Variants in SMG6 observed in about 807,000 individuals in gnomAD.
The protein encoded by SMG6 is telomerase-binding protein EST1A.
Under a neutral mutation model 142.2 loss-of-function variants are expected in SMG6, and 66 were observed. That is an observed-to-expected ratio of 0.46 (90% CI 0.38 to 0.57). SMG6 has a LOEUF of 0.57. SMG6 is among the 20% of genes least tolerant of loss of function. The pLI, the probability that SMG6 is intolerant of heterozygous loss-of-function variation, is 0.00. For synonymous variants in SMG6, 779 were observed against 702.4 expected (o/e 1.11, Z -1.72); for missense variants, 1,793 against 1,832.0 (o/e 0.98, Z 0.39).
intron 13 of SMG6, among the ~76,000 whole-genome samples, chr17:2,122,826 G>A (rs1450063583): frequency 6.6e-6 from 1 of 152,180 alleles, no homozygotes; most frequent in African/African-American, 2.4e-5. Flanking sequence ...CAGATAACCT[G>A]GCAGACAGCC....
intron 11 of SMG6, 117 bp from the exon 12 acceptor site, chr17:2,186,948 T>C (rs1289531278): frequency 4.4e-6 from 5 of 1,130,158 alleles, no homozygotes; most frequent in Admixed American, 2.5e-5. Context: ...ACAGGAAAGA[T>C]AGGCCCAGAA....
rs2071134643 is a variant in SMG6 at position 2,160,265 on chromosome 17, G to A, written c.3357+12393C>T. ...AGACAGATCTCACTCTATTGCCCAG[G>A]CTGGAGTGCAGTGGTGCAATCTCAG... On this transcript the variant is annotated intron_variant, in intron 13 of 18. Transcript: ENST00000263073. 3.3e-5 allele frequency among the ~76,000 whole-genome samples: 5 copies of A among 152,102 alleles called. 1 individual carries two copies. The South Asian group carries it at 1.0e-3, about 32-fold the overall frequency.
At chr17:2,198,700 A>G (rs1023155408) in intron 10 of SMG6, among the ~76,000 whole-genome samples, 1 of 152,222 alleles carries the variant, frequency 6.6e-6, no homozygotes, top group African/African-American at 2.4e-5. Context: ...CAACAAAAAA[A>G]GTAAACCCAA....
chr17:2,252,526 T>C (rs1207901415), intron 8 of SMG6, among the ~76,000 whole-genome samples: 2 of 152,118 alleles, frequency 1.3e-5, no homozygotes, highest in African/African-American at 2.4e-5. Flanking sequence ...ATCTTAAGAG[T>C]TGAAAACCTG....
At chr17:2,228,689 A>G (rs777951562) in intron 10 of SMG6, among the ~76,000 whole-genome samples, 4 of 152,226 alleles carry the variant, frequency 2.6e-5, no homozygotes, top group African/African-American at 4.8e-5. Flanking sequence ...ATATATATAC[A>G]TATACACACA....
intron 10 of SMG6, among the ~76,000 whole-genome samples, chr17:2,200,697 C>A (rs1333590612): frequency 6.6e-6 from 1 of 152,028 alleles, no homozygotes; most frequent in Non-Finnish European, 1.5e-5. Flanking sequence ...CACATACACA[C>A]AATTTAATTT....
At chr17:2,066,372 C>CTGTG (rs57221830) in intron 16 of SMG6, among the ~76,000 whole-genome samples, 93,591 of 149,500 alleles carry the variant, frequency 0.63, 29,449 homozygotes, top group Middle Eastern at 0.69. Context: ...GTATATGTCT[C>CTGTG]TGTGTGTGTG....
chr17:2,116,513 G>C (rs2069511437), intron 13 of SMG6, among the ~76,000 whole-genome samples: 1 of 152,136 alleles, frequency 6.6e-6, no homozygotes. Flanking sequence ...TCAGGAGTTT[G>C]AGGTCAGGAG....
At chr17:2,154,190 G>A (rs2070928971) in intron 13 of SMG6, among the ~76,000 whole-genome samples, 1 of 150,296 alleles carries the variant, frequency 6.7e-6, no homozygotes, top group Non-Finnish European at 1.5e-5. Flanking sequence ...GACGGTGACG[G>A]GGGAACCTGG....
At chr17:2,153,653 C>T (rs2070896395) in intron 13 of SMG6, among the ~76,000 whole-genome samples, 1 of 140,384 alleles carries the variant, frequency 7.1e-6, no homozygotes, top group African/African-American at 2.7e-5. Context: ...GTGACGGTGA[C>T]TGGGGGAACC....
intron 13 of SMG6, among the ~76,000 whole-genome samples, chr17:2,139,851 A>G (rs981260128): frequency 1.3e-5 from 2 of 151,722 alleles, no homozygotes; most frequent in African/African-American, 2.4e-5. Flanking sequence ...TCAGCCTCCC[A>G]AGTAGCTGGG....
chr17:2,229,264 G>A (rs1042954647), intron 10 of SMG6: 2 of 152,118 alleles, frequency 1.3e-5, no homozygotes, highest in Non-Finnish European at 2.9e-5. Context: ...CTTATTTGTT[G>A]TAGCCCCACC....
intron 11 of SMG6, among the ~76,000 whole-genome samples, chr17:2,188,029 C>T (rs1487505275): frequency 6.6e-6 from 1 of 152,048 alleles, no homozygotes; most frequent in Non-Finnish European, 1.5e-5. Flanking sequence ...ACAGAACTCA[C>T]CAGGTACCAC....
At chr17:2,239,416 A>G (rs1351293469) in intron 9 of SMG6, among the ~76,000 whole-genome samples, 1 of 152,238 alleles carries the variant, frequency 6.6e-6, no homozygotes, top group African/African-American at 2.4e-5. Flanking sequence ...ATCGCCAAAA[A>G]TTGGAAGCAA....
chr17:2,240,775 G>C (rs2073781269), intron 9 of SMG6, among the ~76,000 whole-genome samples: 1 of 152,262 alleles, frequency 6.6e-6, no homozygotes, highest in Non-Finnish European at 1.5e-5. Context: ...GCACAGAGCA[G>C]ACCATGCCTG....
intron 13 of SMG6, among the ~76,000 whole-genome samples, chr17:2,109,177 A>T (rs1232367595): frequency 6.6e-6 from 1 of 152,198 alleles, no homozygotes; most frequent in Non-Finnish European, 1.5e-5. Flanking sequence ...ACAGTATCTC[A>T]TCTGATCCAT....
At chr17:2,091,894 G>A (rs1331868707) in intron 13 of SMG6, among the ~76,000 whole-genome samples, 1 of 150,894 alleles carries the variant, frequency 6.6e-6, no homozygotes, top group Non-Finnish European at 1.5e-5. Context: ...GTGTTAGCCA[G>A]GACGGTCTTG....
chr17:2,154,132 T>C (rs1214901831), intron 13 of SMG6, among the ~76,000 whole-genome samples: 64 of 113,918 alleles, frequency 5.6e-4, no homozygotes, highest in Admixed American at 1.6e-3. Context: ...TGGGGATGCA[T>C]GTAGAGTGTG....
chr17:2,064,433 G>T (rs2067877173), intron 18 of SMG6, among the ~76,000 whole-genome samples: 1 of 152,098 alleles, frequency 6.6e-6, no homozygotes, highest in Admixed American at 6.5e-5. Context: ...ATGAGATTCT[G>T]CTTACCCCAA....
Sources: allele counts gnomAD v4.1 joint callset (sites outside exome capture counted in the v4.1 genomes callset), GRCh38; gene constraint gnomAD v4.1.1; transcripts MANE v1.5; gene names NCBI Gene and HGNC (gene_info 2026-07-23, HGNC 2026-07-21).